Variants in ACKR1 observed in about 807,000 individuals in gnomAD.
The protein encoded by ACKR1 is atypical chemokine receptor 1 (Duffy blood group), also known as atypical chemokine receptor 1.
A neutral mutation model predicts 2.5 loss-of-function variants in ACKR1; 3 were observed. That is an observed-to-expected ratio of 1.18 (90% confidence interval 0.54 to 3.06). The LOEUF is 3.06. Ranked by LOEUF, ACKR1 falls within the 30% of genes most tolerant of loss-of-function variation. ACKR1 has a pLI of 0.03. For synonymous variants in ACKR1, 208 were observed against 178.2 expected, an observed-to-expected ratio of 1.17 and a Z score of -1.33; for missense variants, 438 against 395.2, an observed-to-expected ratio of 1.11 and a Z score of -0.92.
intron 1 of ACKR1, 37 bp from the exon 2 acceptor site, chr1:159,205,424 T>C: frequency 1.3e-6 from 2 of 1,579,764 alleles, no homozygotes; most frequent in Non-Finnish European, 1.7e-6. Flanking sequence ...ACTCTTCCGG[T>C]GTAACTCTGA....
chr1:159,205,632 T>G lies in ACKR1; in HGVS notation c.193T>G (p.Phe65Val). The change falls in exon 2 of 2, where the codon TTC (phenylalanine) becomes GTC (valine). Residue 65 changes from phenylalanine to valine, a missense_variant. Coordinates refer to ENST00000368122, the MANE Select transcript of ACKR1 (RefSeq NM_002036.4). ...GCTGGATGACTCTGCACTGCCCTTC[T>G]TCATCCTCACCAGTGTCCTGGGTAT... is the stretch of plus-strand genomic sequence containing the variant. ...NLLDDSALPF[F>V]ILTSVLGILA... 4 of 1,614,200 alleles carry G rather than the reference T, an allele frequency of 2.5e-6. No individual in the cohort carries two copies. Among genetic ancestry groups the G allele is most frequent in the Non-Finnish European group, 2.5e-6 (3 of 1,180,026 alleles).
chr1:159,206,085 G>A lies in ACKR1; in HGVS notation c.646G>A (p.Ala216Thr). Residue 216 changes from alanine (A) to threonine (T), a missense_variant, in exon 2 of 2, where the codon GCC becomes ACC. Coordinates refer to ENST00000368122, the MANE Select transcript of ACKR1 (RefSeq NM_002036.4). The part of the protein sequence containing the change: ...LQATHTVACL[A>T]IFVLLPLGLF... ...GGCCACACACACTGTAGCCTGTCTT[G>A]CCATCTTTGTCTTGTTGCCATTGGG... 6.2e-7 allele frequency: 1 copy of A among 1,614,240 alleles called. No individual in the cohort carries two copies. The highest frequency in any genetic ancestry group is 8.5e-7 in the Non-Finnish European group (1 of 1,180,036).
In ACKR1 at chr1:159,206,175, C is replaced by T. The variant is rs1183720415; in HGVS notation, c.736C>T (p.Leu246=). ...GGGGCCAGGCCCCTGGATGAATATC[C>T]TGTGGGCCTGGTTTATTTTCTGGTG... ...GMGPGPWMNI[L]WAWFIFWWPH... Residue 246 remains leucine, a synonymous_variant, in exon 2 of 2, where the codon CTG becomes TTG. Coordinates refer to ENST00000368122, the MANE Select transcript of ACKR1 (RefSeq NM_002036.4). 2 of 1,614,228 alleles carry T rather than the reference C, an allele frequency of 1.2e-6. No individual in the cohort carries two copies. Among genetic ancestry groups the T allele is most frequent in the Admixed American group, 1.7e-5 (1 of 60,024 alleles).
Position 159,206,065 on chromosome 1 carries a change from C to A in ACKR1, c.626C>A (p.Thr209Lys). The change falls in exon 2 of 2, where the codon ACA (threonine) becomes AAA (lysine). Residue 209 changes from threonine to lysine, a missense_variant. Transcript: ENST00000368122. ...YSTELKALQATHTVACLAIFV... is the reference protein window; with the variant it reads ...YSTELKALQAKHTVACLAIFV... ...ACGGAGCTGAAGGCTTTGCAGGCCA[C>A]ACACACTGTAGCCTGTCTTGCCATC... 1 of 1,614,250 alleles carries A rather than the reference C, an allele frequency of 6.2e-7. No homozygotes were observed. Among genetic ancestry groups the A allele is most frequent in the South Asian group, 1.1e-5 (1 of 91,088 alleles).
chr1:159,205,341 T>A (rs1650403187), intron 1 of ACKR1, 120 bp from the exon 2 acceptor site: 1 of 1,257,264 alleles, frequency 8.0e-7, no homozygotes, highest in Admixed American at 2.2e-5. Flanking sequence ...ATCTGACTCC[T>A]GCAGAGACCT....
At position 159,206,159 on chromosome 1, in the gene ACKR1, C is replaced by T. The variant is rs777240898; in HGVS notation, c.720C>T (p.Gly240=). 2.5e-6 allele frequency: 4 copies of T among 1,614,206 alleles called. No individual in the cohort carries two copies. The highest frequency in any genetic ancestry group is 1.7e-5 in the Admixed American group (1 of 60,026). The change falls in exon 2 of 2, where the codon GGC becomes GGT. Residue 240 remains glycine (G), a synonymous_variant. Coordinates refer to ENST00000368122, the MANE Select transcript of ACKR1 (RefSeq NM_002036.4). ...AGAAGGCATTGGGTATGGGGCCAGGCCCCTGGATGAATATCCTGTGGGCCT... is the reference window on the plus strand; with the variant it reads ...AGAAGGCATTGGGTATGGGGCCAGGTCCCTGGATGAATATCCTGTGGGCCT... ...GLKKALGMGP[G]PWMNILWAWF...
chr1:159,205,214 CTT>C (rs17838198), intron 1 of ACKR1: 1 of 671,756 alleles, frequency 1.5e-6, no homozygotes. Context: ...CTCTTGGTGC[CTT>C]TTCCTTCTGA....
chr1:159,205,125 T>C, intron 1 of ACKR1, 145 bp downstream of exon 1: 1 of 1,005,288 alleles, frequency 9.9e-7, no homozygotes, highest in Non-Finnish European at 1.4e-6. Context: ...AAAGTCTTTT[T>C]CCTTCTCTCC....
Position 159,205,691 on chromosome 1 carries a change from C to T in ACKR1, c.252C>T (p.Phe84=), listed in dbSNP as rs1311465761. The part of the protein sequence containing the change: ...LASSTVLFML[F]RPLFRWQLCP... ...GCAGCACTGTCCTCTTCATGCTTTT[C>T]AGACCTCTCTTCCGCTGGCAGCTCT... The change falls in exon 2 of 2, where the codon TTC becomes TTT. Residue 84 remains phenylalanine, a synonymous_variant. Transcript: ENST00000368122. 6.2e-7 allele frequency: 1 copy of T among 1,614,244 alleles called. No individual in the cohort carries two copies. The highest frequency in any genetic ancestry group is 8.5e-7 in the Non-Finnish European group (1 of 1,180,048).
In ACKR1 at chr1:159,205,880, AG is replaced by A. The variant is rs1339219243; in HGVS notation, c.444del (p.Cys149AlafsTer32). 8 of 1,614,022 alleles carry A rather than the reference AG, an allele frequency of 5.0e-6. 1 individual carries two copies. In the South Asian group the frequency reaches 8.8e-5, roughly 18 times the overall value. On this transcript the variant is annotated frameshift_variant, in exon 2 of 2. Transcript: ENST00000368122. LOFTEE classifies it low-confidence loss of function (END_TRUNC). ...CAGCCTTTGCCCAGGCTTTGCTGCT[AG>A]GGTGCCATGCCTCCCTGGGCCACAG... ...GSAFAQALLL[G>X]CHASLGHRLG...
Position 159,205,505 on chromosome 1 carries a change from C to G in ACKR1, c.66C>G (p.Phe22Leu). ...PSTENSSQLD[F>L]EDVWNSSYGV... ...CTGAGAACTCAAGTCAGCTGGACTTCGAAGATGTATGGAATTCTTCCTATG... is the reference window on the plus strand; with the variant it reads ...CTGAGAACTCAAGTCAGCTGGACTTGGAAGATGTATGGAATTCTTCCTATG... The change falls in exon 2 of 2, where the codon TTC (phenylalanine) becomes TTG (leucine). Residue 22 changes from phenylalanine (F) to leucine (L), a missense_variant. Phe to Leu is a conservative substitution (Grantham distance 22). Transcript: ENST00000368122. 3.1e-6 allele frequency: 5 copies of G among 1,613,904 alleles called. No homozygotes were observed. The highest frequency in any genetic ancestry group is 4.2e-6 in the Non-Finnish European group (5 of 1,179,872).
At position 159,206,290 on chromosome 1, in the gene ACKR1, T is replaced by G; in HGVS notation, c.851T>G (p.Leu284Arg). The change falls in exon 2 of 2, where the codon CTG becomes CGG. Residue 284 changes from leucine to arginine, a missense_variant. Coordinates refer to ENST00000368122, the MANE Select transcript of ACKR1 (RefSeq NM_002036.4). ...STCLAQQALDLLLNLAEALAI... is the reference protein window; with the variant it reads ...STCLAQQALDRLLNLAEALAI... ...TGTCTGGCCCAGCAGGCTCTGGACC[T>G]GCTGCTGAACCTGGCAGAAGCCCTG... The G allele has an allele frequency of 6.2e-7, 1 of 1,614,254 alleles. No homozygotes were observed. The highest frequency in any genetic ancestry group is 8.5e-7 in the Non-Finnish European group (1 of 1,180,050).
Position 159,205,985 on chromosome 1 carries a change from G to T in ACKR1, c.546G>T (p.Leu182=), listed in dbSNP as rs1223242160. The T allele has an allele frequency of 6.2e-7, 1 of 1,614,046 alleles. No individual in the cohort carries two copies. The highest frequency in any genetic ancestry group is 1.3e-5 in the African/African-American group (1 of 74,944). ...GGGGAGTGGCTGCCCTACTGACACT[G>T]CCTGTCACCCTGGCCAGTGGTGCTT... ...GIWGVAALLT[L]PVTLASGASG... Residue 182 remains leucine, a synonymous_variant, in exon 2 of 2, where the codon CTG becomes CTT. Transcript: ENST00000368122.
rs1357930716 is a variant in ACKR1 at position 159,205,968 on chromosome 1, G to T, written c.529G>T (p.Ala177Ser). ...LGLTVGIWGV[A>S]ALLTLPVTLA... The stretch of plus-strand genomic sequence containing the variant: ...GCTCACTGTGGGAATTTGGGGAGTG[G>T]CTGCCCTACTGACACTGCCTGTCAC... Residue 177 changes from alanine to serine, a missense_variant, in exon 2 of 2, where the codon GCT becomes TCT. Ala to Ser is a moderately conservative substitution (Grantham distance 99, BLOSUM62 1). Transcript: ENST00000368122. 1 of 1,613,972 alleles carries T rather than the reference G, an allele frequency of 6.2e-7. No individual in the cohort carries two copies.
At position 159,205,463 on chromosome 1, in the gene ACKR1, G is replaced by A. The variant is rs376855885; in HGVS notation, c.24G>A (p.Ala8=). 1.2e-5 allele frequency: 19 copies of A among 1,607,824 alleles called. No homozygotes were observed. Among genetic ancestry groups the A allele is most frequent in the African/African-American group, 9.3e-5 (7 of 74,892 alleles). Residue 8 remains alanine (A), a splice_region_variant and synonymous_variant, in exon 2 of 2, where the codon GCG becomes GCA. Coordinates refer to ENST00000368122, the MANE Select transcript of ACKR1 (RefSeq NM_002036.4). Reference sequence around the variant, plus strand: ...CCTCCTCTGGGTATGTCCTCCAGGCGGAGCTCTCCCCCTCAACTGAGAACT... The same window carrying A: ...CCTCCTCTGGGTATGTCCTCCAGGCAGAGCTCTCCCCCTCAACTGAGAACT... MGNCLHR[A]ELSPSTENSS... is the part of the protein sequence containing the mutation.
chr1:159,204,938 C>A lies in ACKR1; in HGVS notation c.-22C>A, dbSNP rs201809778. ...ACAGCCGTCCCAGCCCTTCTGTCTG[C>A]GGGCCTGAACCAAACGGTGCCATGG... On this transcript the variant is annotated 5_prime_UTR_variant, in exon 1 of 2. Coordinates refer to ENST00000368122, the MANE Select transcript of ACKR1 (RefSeq NM_002036.4). 4.3e-6 allele frequency: 7 copies of A among 1,614,108 alleles called. No homozygotes were observed. The highest frequency in any genetic ancestry group is 2.2e-5 in the East Asian group (1 of 44,862).
Position 159,205,969 on chromosome 1 carries a change from C to T in ACKR1, c.530C>T (p.Ala177Val), listed in dbSNP as rs746984342. The change falls in exon 2 of 2, where the codon GCT becomes GTT. Residue 177 changes from alanine (A) to valine (V), a missense_variant. Physicochemically the swap from Ala to Val is moderately conservative, Grantham distance 64 (BLOSUM62 0). Coordinates refer to ENST00000368122, the MANE Select transcript of ACKR1 (RefSeq NM_002036.4). ...CTCACTGTGGGAATTTGGGGAGTGGCTGCCCTACTGACACTGCCTGTCACC... is the reference window on the plus strand; with the variant it reads ...CTCACTGTGGGAATTTGGGGAGTGGTTGCCCTACTGACACTGCCTGTCACC... Reference protein sequence around the residue: ...LGLTVGIWGVAALLTLPVTLA... With the variant: ...LGLTVGIWGVVALLTLPVTLA... 2.5e-6 allele frequency: 4 copies of T among 1,614,040 alleles called. No individual in the cohort carries two copies. The Admixed American group carries it at 6.7e-5, about 27-fold the overall frequency.
In ACKR1 at chr1:159,205,713, C is replaced by G. The variant is rs1650419372; in HGVS notation, c.274C>G (p.Leu92Val). Residue 92 changes from leucine (L) to valine (V), a missense_variant, in exon 2 of 2, where the codon CTC becomes GTC. Transcript: ENST00000368122. The part of the protein sequence containing the change: ...MLFRPLFRWQ[L>V]CPGWPVLAQL... ...TTTCAGACCTCTCTTCCGCTGGCAG[C>G]TCTGCCCTGGCTGGCCTGTCCTGGC... The G allele has an allele frequency of 1.2e-6, 2 of 1,613,924 alleles. No homozygotes were observed. The highest frequency in any genetic ancestry group is 1.7e-5 in the Admixed American group (1 of 59,996).
In ACKR1 at chr1:159,206,101, T is replaced by C; in HGVS notation, c.662T>C (p.Leu221Ser). Residue 221 changes from leucine (L) to serine (S), a missense_variant, in exon 2 of 2, where the codon TTG (leucine) becomes TCG (serine). Transcript: ENST00000368122. ...TVACLAIFVL[L>S]PLGLFGAKGL... ...GCCTGTCTTGCCATCTTTGTCTTGT[T>C]GCCATTGGGTTTGTTTGGAGCCAAG... The C allele has an allele frequency of 6.2e-7, 1 of 1,614,240 alleles. No homozygotes were observed. The highest frequency in any genetic ancestry group is 1.1e-5 in the South Asian group (1 of 91,084).
Sources: allele counts gnomAD v4.1 joint callset, GRCh38; gene constraint gnomAD v4.1.1; transcripts MANE v1.5; gene names NCBI Gene and HGNC (gene_info 2026-07-23, HGNC 2026-07-21).